The following VPS35L variants were observed in gnomAD, a reference collection of about 807,000 sequenced individuals.
VPS35L encodes the protein VPS35 endosomal protein sorting factor like.
Under a neutral mutation model 133.0 loss-of-function variants are expected in VPS35L, and 83 were observed. The ratio of observed to expected loss-of-function variants is 0.62; its 90% CI spans 0.52 to 0.75. The LOEUF (loss-of-function observed/expected upper bound fraction) is 0.75, where lower values mean the gene tolerates loss of function less well. VPS35L is among the 30% of genes least tolerant of loss of function. VPS35L has a pLI of 0.00. For synonymous variants in VPS35L, 423 were observed against 449.9 expected (o/e 0.94, Z 0.76); for missense variants, 1,083 against 1,206.8 (o/e 0.90, Z 1.52).
At chr16:19,599,541 T>C (rs1304799380) in intron 8 of VPS35L, among the ~76,000 whole-genome samples, 1 of 151,902 alleles carries the variant, frequency 6.6e-6, no homozygotes, top group East Asian at 1.9e-4. Context: ...AAAATACTTT[T>C]TTTTTTTTTT....
intron 7 of VPS35L, among the ~76,000 whole-genome samples, chr16:19,588,889 T>TGTA (rs1362441805): frequency 6.6e-6 from 1 of 152,256 alleles, no homozygotes; most frequent in Non-Finnish European, 1.5e-5. Context: ...AGCATACGCT[T>TGTA]GTAGTAGTAT....
intron 23 of VPS35L, among the ~76,000 whole-genome samples, chr16:19,646,883 G>A (rs11864817): frequency 0.051 from 7,734 of 152,088 alleles, 643 homozygotes; most frequent in African/African-American, 0.17. Context: ...TACTATCCCA[G>A]CCTGAACAGT....
chr16:19,677,496 G>C (rs761107850), intron 27 of VPS35L, among the ~76,000 whole-genome samples: 2 of 152,210 alleles, frequency 1.3e-5, no homozygotes, highest in African/African-American at 2.4e-5. Flanking sequence ...TGATCTGAAG[G>C]AACACTAGTA....
In VPS35L at chr16:19,591,673, T is replaced by C. The variant is rs537128379; in HGVS notation, c.640-117T>C. 90 of 728,016 alleles carry C rather than the reference T, an allele frequency of 1.2e-4. 1 individual carries two copies. The South Asian group carries it at 1.5e-3, about 12-fold the overall frequency. 45.1% of individuals were successfully genotyped at this position (728,016 alleles called of 1,614,324 possible). ...TATGCTCAGCACCTCGCACAGGCCTTGGCACATAGTAAGTATCTCAACTTG... is the reference window on the plus strand; with the variant it reads ...TATGCTCAGCACCTCGCACAGGCCTCGGCACATAGTAAGTATCTCAACTTG... On this transcript the variant is annotated intron_variant, in intron 7 of 30. Coordinates refer to ENST00000417362, the MANE Select transcript of VPS35L (RefSeq NM_020314.7).
chr16:19,634,322 A>G (rs1227606043), intron 19 of VPS35L, among the ~76,000 whole-genome samples: 2 of 151,396 alleles, frequency 1.3e-5, no homozygotes, highest in Non-Finnish European at 2.9e-5. Context: ...CTATAGTCCC[A>G]GCTACCTGGG....
chr16:19,675,966 G>A (rs1021725301), intron 27 of VPS35L, among the ~76,000 whole-genome samples: 9 of 152,046 alleles, frequency 5.9e-5, no homozygotes, highest in Non-Finnish European at 1.3e-4. Flanking sequence ...GAAAAGATAG[G>A]AACTACCAGG....
At chr16:19,599,646 G>A (rs1249604352) in intron 8 of VPS35L, among the ~76,000 whole-genome samples, 1 of 151,598 alleles carries the variant, frequency 6.6e-6, no homozygotes, top group East Asian at 1.9e-4. Context: ...GACTACACGC[G>A]TGCACCACCA....
Position 19,602,401 on chromosome 16 carries a change from G to T in VPS35L, c.784+678G>T, listed in dbSNP as rs576259126. On this transcript the variant is annotated intron_variant, in intron 9 of 30. Coordinates refer to ENST00000417362, the MANE Select transcript of VPS35L (RefSeq NM_020314.7). The stretch of plus-strand genomic sequence containing the variant: ...CTCCATTGCCGCTCCACTTCCCTCC[G>T]CTCCTGCAGTGGGGCTTCCCAGGAG... Among the ~76,000 whole-genome samples the T allele has an allele frequency of 5.9e-5, 9 of 152,126 alleles. No homozygotes were observed. In the South Asian group the frequency reaches 1.9e-3, roughly 32 times the overall value.
At chr16:19,557,108 G>A (rs893028636) in intron 1 of VPS35L, among the ~76,000 whole-genome samples, 3 of 151,868 alleles carry the variant, frequency 2.0e-5, no homozygotes, top group African/African-American at 7.3e-5. Flanking sequence ...CTCCAGCCTG[G>A]GCAACAGTGA....
chr16:19,658,813 G>A (rs1038590120), intron 26 of VPS35L, among the ~76,000 whole-genome samples: 1 of 152,138 alleles, frequency 6.6e-6, no homozygotes, highest in Non-Finnish European at 1.5e-5. Flanking sequence ...CGTCTGGAAG[G>A]AATGAGGAGG....
At chr16:19,616,906 G>A in intron 14 of VPS35L, 98 bp downstream of exon 14, 1 of 1,542,992 alleles carries the variant, frequency 6.5e-7, no homozygotes, top group Non-Finnish European at 8.9e-7. Context: ...TTTCATAACA[G>A]CTATAGCAAT....
intron 22 of VPS35L, among the ~76,000 whole-genome samples, chr16:19,643,838 A>G (rs1331482104): frequency 1.3e-5 from 2 of 152,074 alleles, no homozygotes; most frequent in Non-Finnish European, 2.9e-5. Context: ...CGTGCCTGTA[A>G]TCCCAGCTAC....
Position 19,647,825 on chromosome 16 carries a change from T to C in VPS35L, c.1971T>C (p.Tyr657=). 1 of 1,614,190 alleles carries C rather than the reference T, an allele frequency of 6.2e-7. No homozygotes were observed. The highest frequency in any genetic ancestry group is 8.5e-7 in the Non-Finnish European group (1 of 1,180,030). The change falls in exon 24 of 31, where the codon TAT becomes TAC. Residue 657 remains tyrosine, a synonymous_variant. Coordinates refer to ENST00000417362, the MANE Select transcript of VPS35L (RefSeq NM_020314.7). ...GRDFEQQLSF[Y]VESRSMFCNL... Reference sequence around the variant, plus strand: ...ATTTTGAACAACAGCTGAGTTTTTATGTTGAGTCCAGGTCGATGTTTTGCA... The same window carrying C: ...ATTTTGAACAACAGCTGAGTTTTTACGTTGAGTCCAGGTCGATGTTTTGCA...
chr16:19,685,591 G>A (rs1975429681), intron 28 of VPS35L, among the ~76,000 whole-genome samples: 1 of 152,152 alleles, frequency 6.6e-6, no homozygotes, highest in South Asian at 2.1e-4. Flanking sequence ...TTCTGCGTTG[G>A]AGGATACTGC....
At chr16:19,593,307 G>A (rs1304524782) in intron 8 of VPS35L, among the ~76,000 whole-genome samples, 1 of 152,174 alleles carries the variant, frequency 6.6e-6, no homozygotes, top group African/African-American at 2.4e-5. Context: ...AGCTGAACAC[G>A]TGGAAGATCA....
At chr16:19,677,231 A>G (rs1331124138) in intron 27 of VPS35L, among the ~76,000 whole-genome samples, 3 of 151,536 alleles carry the variant, frequency 2.0e-5, no homozygotes, top group Non-Finnish European at 2.9e-5. Flanking sequence ...GTGCCTGGCT[A>G]ATTTTATTTA....
chr16:19,581,632 G>C lies in VPS35L; in HGVS notation c.618G>C (p.Lys206Asn). The C allele has an allele frequency of 6.2e-7, 1 of 1,614,098 alleles. No homozygotes were observed. Among genetic ancestry groups the C allele is most frequent in the African/African-American group, 1.3e-5 (1 of 75,018 alleles). The change falls in exon 7 of 31, where the codon AAG becomes AAC. Residue 206 changes from lysine to asparagine, a missense_variant. Transcript: ENST00000417362. Reference protein sequence around the residue: ...KDAWASDQKVKALKIVIQCSK... With the variant: ...KDAWASDQKVNALKIVIQCSK... ...CCTGGGCCTCAGACCAGAAAGTGAAGGCTCTAAAAATAGTCATCCAGGTTA... is the reference window on the plus strand; with the variant it reads ...CCTGGGCCTCAGACCAGAAAGTGAACGCTCTAAAAATAGTCATCCAGGTTA...
At chr16:19,610,156 T>G (rs1972665053) in intron 11 of VPS35L, among the ~76,000 whole-genome samples, 166 bp from the exon 12 acceptor site, 1 of 152,208 alleles carries the variant, frequency 6.6e-6, no homozygotes, top group Admixed American at 6.5e-5. Context: ...GAAAGACTGT[T>G]GTTACATTGC....
intron 7 of VPS35L, among the ~76,000 whole-genome samples, chr16:19,583,762 T>C (rs1971779193): frequency 1.3e-5 from 2 of 151,210 alleles, no homozygotes; most frequent in Admixed American, 1.3e-4. Context: ...AAATACACAA[T>C]AAATTTTGGA....
Sources: allele counts gnomAD v4.1 joint callset (sites outside exome capture counted in the v4.1 genomes callset), GRCh38; gene constraint gnomAD v4.1.1; transcripts MANE v1.5; gene names NCBI Gene and HGNC (gene_info 2026-07-23, HGNC 2026-07-21).